Variants in KIF5B observed in about 807,000 individuals in gnomAD.
The protein encoded by KIF5B is kinesin-1 heavy chain.
Under a neutral mutation model 132.8 loss-of-function variants are expected in KIF5B, and 49 were observed. The ratio of observed to expected loss-of-function variants is 0.37; its 90% confidence interval spans 0.29 to 0.47. The LOEUF (loss-of-function observed/expected upper bound fraction) is 0.47, where lower values mean the gene tolerates loss of function less well. Among genes scored for constraint, KIF5B ranks in the 20% least tolerant of loss-of-function variants. The pLI is 1.00. For missense variants in KIF5B, 780 were observed against 1,144.0 expected, an observed-to-expected ratio of 0.68 and a Z score of 4.59; for synonymous variants, 355 against 369.4, an observed-to-expected ratio of 0.96 and a Z score of 0.45.
At chr10:32,051,479 T>C (rs1345348145) in intron 1 of KIF5B, among the ~76,000 whole-genome samples, 3 of 152,212 alleles carry the variant, frequency 2.0e-5, no homozygotes, top group Non-Finnish European at 4.4e-5. Flanking sequence ...CCTTCAGAAG[T>C]ACTTTATGAA....
At chr10:32,034,182 C>A (rs1772797510) in intron 11 of KIF5B, 144 bp from the exon 12 acceptor site, 1 of 550,184 alleles carries the variant, frequency 1.8e-6, no homozygotes, top group South Asian at 2.6e-5. Flanking sequence ...GCAATCTAGG[C>A]TCACTGCAAC....
At chr10:32,016,315 G>A (rs1841161733) in intron 24 of KIF5B, among the ~76,000 whole-genome samples, 1 of 151,978 alleles carries the variant, frequency 6.6e-6, no homozygotes, top group African/African-American at 2.4e-5. Flanking sequence ...AATTAGCTGG[G>A]CATGGTGGCT....
intron 15 of KIF5B, 51 bp downstream of exon 15, chr10:32,028,377 A>C (rs1178420083): frequency 2.8e-6 from 4 of 1,427,978 alleles, no homozygotes; most frequent in Non-Finnish European, 3.9e-6. Flanking sequence ...AGTAAACAAA[A>C]GTGCCAGTGT....
At chr10:32,016,309 A>AG (rs771167214) in intron 24 of KIF5B, among the ~76,000 whole-genome samples, 40 of 152,128 alleles carry the variant, frequency 2.6e-4, no homozygotes, top group Non-Finnish European at 5.1e-4. Flanking sequence ...ATACAAAATT[A>AG]GCTGGGCATG....
chr10:32,020,876 G>C (rs564423999), intron 19 of KIF5B, 146 bp downstream of exon 19: 147 of 541,944 alleles, frequency 2.7e-4, no homozygotes, highest in African/African-American at 2.7e-3. Flanking sequence ...CTGGAATTTA[G>C]AAGTTTTACT....
At position 32,041,026 on chromosome 10, in the gene KIF5B, A is replaced by G. The variant is rs1304061644; in HGVS notation, c.215-569T>C. Among the ~76,000 whole-genome samples the G allele has an allele frequency of 2.0e-5, 3 of 150,544 alleles. No homozygotes were observed. In the Admixed American group the frequency reaches 2.0e-4, roughly 10 times the overall value. ...AAAAATTAGCTGTACGTGGCCTGTA[A>G]TTTCAGCTACTCGAAAGACTAAGGC... On this transcript the variant is annotated intron_variant, in intron 2 of 25. Transcript: ENST00000302418.
At chr10:32,022,623 CA>C (rs1841279159) in intron 16 of KIF5B, among the ~76,000 whole-genome samples, 1 of 152,150 alleles carries the variant, frequency 6.6e-6, no homozygotes, top group South Asian at 2.1e-4. Flanking sequence ...AAGTCTTTAA[CA>C]AGTTACCACC....
chr10:32,052,618 A>G (rs1218111160), intron 1 of KIF5B, among the ~76,000 whole-genome samples: 1 of 152,120 alleles, frequency 6.6e-6, no homozygotes, highest in Non-Finnish European at 1.5e-5. Context: ...GCAAGCTCCT[A>G]ATTTTTTCTA....
chr10:32,047,797 T>TA (rs2132614986), intron 2 of KIF5B, among the ~76,000 whole-genome samples: 1 of 152,320 alleles, frequency 6.6e-6, no homozygotes, highest in African/African-American at 2.4e-5. Flanking sequence ...AAGCACTTTG[T>TA]AACAACTACA....
chr10:32,022,184 G>A lies in KIF5B; in HGVS notation c.1988C>T (p.Ser663Phe), dbSNP rs776366701. The change falls in exon 17 of 26, where the codon TCT becomes TTT. Residue 663 changes from serine to phenylalanine, a missense_variant. Around this residue, in one of 9 missense-constraint regions of KIF5B, gnomAD observed 471 missense variants for 569.9 expected, o/e 0.83. Transcript: ENST00000302418. The part of the protein sequence containing the change: ...VEQKKRQLEE[S>F]VDALSEELVQ... ...TAGTTCTTCACTGAGGGCATCGACAGATTCCTCCAACTGTCTTTTCTTTTG... is the reference window on the plus strand; with the variant it reads ...TAGTTCTTCACTGAGGGCATCGACAAATTCCTCCAACTGTCTTTTCTTTTG... 6.2e-7 allele frequency: 1 copy of A among 1,613,128 alleles called. No homozygotes were observed. Among genetic ancestry groups the A allele is most frequent in the Non-Finnish European group, 8.5e-7 (1 of 1,179,328 alleles).
chr10:32,054,076 G>C (rs1564472430), intron 1 of KIF5B, among the ~76,000 whole-genome samples: 1 of 152,176 alleles, frequency 6.6e-6, no homozygotes, highest in Non-Finnish European at 1.5e-5. Context: ...GAATCATAGT[G>C]ATAACTACAG....
intron 16 of KIF5B, 106 bp downstream of exon 16, chr10:32,022,742 A>G (rs2132587148): frequency 1.3e-6 from 1 of 757,288 alleles, no homozygotes; most frequent in Non-Finnish European, 2.1e-6. Context: ...GAAAAAAACA[A>G]CTAAATTTCA....
At position 32,056,184 on chromosome 10, in the gene KIF5B, T is replaced by G; in HGVS notation, c.-211A>C. On this transcript the variant is annotated 5_prime_UTR_variant, in exon 1 of 26. Coordinates refer to ENST00000302418, the MANE Select transcript of KIF5B (RefSeq NM_004521.3). ...CGTTAACCCTAATGCTCACTTCCGA[T>G]CCATCATGGCAGCCATGGCGGCGGC... 1 of 548,158 alleles carries G rather than the reference T, an allele frequency of 1.8e-6. No individual in the cohort carries two copies. Among genetic ancestry groups the G allele is most frequent in the Non-Finnish European group, 3.1e-6 (1 of 319,418 alleles). 34.0% of individuals were successfully genotyped at this position (548,158 alleles called of 1,614,324 possible).
chr10:32,034,478 C>T (rs1378296140), intron 11 of KIF5B, among the ~76,000 whole-genome samples: 1 of 152,182 alleles, frequency 6.6e-6, no homozygotes, highest in Non-Finnish European at 1.5e-5. Flanking sequence ...TCAGATTCTT[C>T]TGCTTAATTA....
intron 19 of KIF5B, among the ~76,000 whole-genome samples, chr10:32,020,561 C>T (rs1257752030): frequency 1.3e-5 from 2 of 152,016 alleles, no homozygotes; most frequent in South Asian, 4.1e-4. Context: ...ACTGGGACTA[C>T]AGGCATGTGC....
chr10:32,021,125 C>G lies in KIF5B; in HGVS notation c.2101G>C (p.Val701Leu), dbSNP rs1841252600. 1 of 1,613,216 alleles carries G rather than the reference C, an allele frequency of 6.2e-7. No homozygotes were observed. Among genetic ancestry groups the G allele is most frequent in the Non-Finnish European group, 8.5e-7 (1 of 1,179,534 alleles). Residue 701 changes from valine to leucine, a missense_variant, in exon 19 of 26, where the codon GTT (valine) becomes CTT (leucine). By Grantham distance (32) the Val-to-Leu change is conservative. Around this residue, in one of 9 missense-constraint regions of KIF5B, gnomAD observed 471 missense variants for 569.9 expected, o/e 0.83. Transcript: ENST00000302418. ...CTATGGCTCTGGATCTGCTGTTCAA[C>G]AGCTTGCTAAAATTTTGGGGGGGAA... ...VQTANEVKQAVEQQIQSHRET... is the reference protein window; with the variant it reads ...VQTANEVKQALEQQIQSHRET...
chr10:32,054,233 A>G (rs966235735), intron 1 of KIF5B, among the ~76,000 whole-genome samples: 1 of 152,246 alleles, frequency 6.6e-6, no homozygotes, highest in African/African-American at 2.4e-5. Flanking sequence ...AAGTTTGACA[A>G]CTAATCCAGG....
chr10:32,018,361 G>A lies in KIF5B; in HGVS notation c.2394C>T (p.Asn798=), dbSNP rs147733670. 10 of 1,525,478 alleles carry A rather than the reference G, an allele frequency of 6.6e-6. No homozygotes were observed. The African/African-American group carries it at 7.0e-5, about 11-fold the overall frequency. The allele number at this position is 1,525,478 out of a possible 1,614,324, so 94.5% of individuals were successfully genotyped here. A position where few individuals can be genotyped will look rare whatever the true frequency, so the allele number is the denominator to read the frequency against. ...TVAKELQTLH[N]LRKLFVQDLA... Reference sequence around the variant, plus strand: ...GGTCCTGAACAAAGAGTTTGCGCAGGTTGTGTAAAGTCTGAAGTTCTTTTG... The same window carrying A: ...GGTCCTGAACAAAGAGTTTGCGCAGATTGTGTAAAGTCTGAAGTTCTTTTG... The change falls in exon 22 of 26, where the codon AAC becomes AAT. Residue 798 remains asparagine, a synonymous_variant. Coordinates refer to ENST00000302418, the MANE Select transcript of KIF5B (RefSeq NM_004521.3).
intron 6 of KIF5B, 140 bp from the exon 7 acceptor site, chr10:32,037,747 C>G (rs1254602285): frequency 3.2e-6 from 2 of 625,208 alleles, no homozygotes; most frequent in East Asian, 5.7e-5. Flanking sequence ...GCAGGAGAAT[C>G]GCTTGAGCCT....
Sources: gnomAD v4.1 joint callset for allele counts (sites outside exome capture counted in the v4.1 genomes callset) on GRCh38, gnomAD v4.1.1 for gene constraint, gnomAD v4.1.1 regional missense constraint, MANE v1.5 for transcripts, NCBI Gene and HGNC (gene_info 2026-07-23, HGNC 2026-07-21) for gene names.